SIPA1L2: variants seen among roughly 807,000 people sequenced by gnomAD.
The protein encoded by SIPA1L2 is signal induced proliferation associated 1 like 2, also known as signal-induced proliferation-associated 1-like protein 2.
Under a neutral mutation model 163.9 loss-of-function variants are expected in SIPA1L2, and 56 were observed. The observed-to-expected ratio is 0.34, with a 90% CI of 0.28 to 0.43. SIPA1L2 has a LOEUF of 0.43. Ranked by LOEUF, SIPA1L2 falls within the 20% of genes least tolerant of loss-of-function variation. The pLI, the probability that SIPA1L2 is intolerant of heterozygous loss-of-function variation, is 1.00. For synonymous variants in SIPA1L2, 877 were observed against 865.7 expected (o/e 1.01, Z -0.23); for missense variants, 1,974 against 2,193.5 (o/e 0.90, Z 2.00).
chr1:232,628,589 G>T (rs777235897), intron 1 of SIPA1L2, among the ~76,000 whole-genome samples: 3 of 152,170 alleles, frequency 2.0e-5, no homozygotes, highest in Non-Finnish European at 2.9e-5. Flanking sequence ...TCAACTTTGG[G>T]AATGCCAAAA....
At position 232,520,035 on chromosome 1, in the gene SIPA1L2, A is replaced by T. The variant is rs193295972; in HGVS notation, c.-269-4427T>A. ...AACATGAATATCTTTTCTTCCAGGT[A>T]ATTTCCTAAACCTAGATTCTGACCA... On this transcript the variant is annotated intron_variant, in intron 2 of 22. Coordinates refer to ENST00000674635, the MANE Select transcript of SIPA1L2 (RefSeq NM_020808.5). 2.3e-3 allele frequency among the ~76,000 whole-genome samples: 353 copies of T among 152,338 alleles called. 1 individual carries two copies. The highest frequency in any genetic ancestry group is 4.1e-3 in the Non-Finnish European group (280 of 68,028).
chr1:232,588,033 C>T (rs1660762268), intron 1 of SIPA1L2, among the ~76,000 whole-genome samples: 1 of 152,158 alleles, frequency 6.6e-6, no homozygotes, highest in Admixed American at 6.5e-5. Context: ...ATGTCTTTAT[C>T]AGCAGCAGGA....
At chr1:232,507,494 C>G (rs143280561) in intron 3 of SIPA1L2, among the ~76,000 whole-genome samples, 1 of 152,304 alleles carries the variant, frequency 6.6e-6, no homozygotes, top group African/African-American at 2.4e-5. Flanking sequence ...CTAAATGCAG[C>G]CCACATCCAA....
intron 1 of SIPA1L2, among the ~76,000 whole-genome samples, chr1:232,588,941 T>A (rs1378842627): frequency 6.6e-6 from 1 of 152,252 alleles, no homozygotes; most frequent in Non-Finnish European, 1.5e-5. Flanking sequence ...AAATCCCTTT[T>A]TTATTTCTGA....
In SIPA1L2 at chr1:232,436,770, C is replaced by T. The variant is rs151044729; in HGVS notation, c.4031+2338G>A. On this transcript the variant is annotated intron_variant, in intron 15 of 22. Coordinates refer to ENST00000674635, the MANE Select transcript of SIPA1L2 (RefSeq NM_020808.5). ...GCAAATGCTGTAAATCCCATCCCTC[C>T]TCCTCGCCTCCTGTGCAGCTCGGGG... 8.7e-4 allele frequency among the ~76,000 whole-genome samples: 132 copies of T among 152,318 alleles called. 1 individual carries two copies. The highest frequency in any genetic ancestry group is 3.5e-3 in the South Asian group (17 of 4,822).
At chr1:232,621,795 G>C (rs562100479) in intron 1 of SIPA1L2, among the ~76,000 whole-genome samples, 1 of 151,344 alleles carries the variant, frequency 6.6e-6, no homozygotes, top group Non-Finnish European at 1.5e-5. Flanking sequence ...CCACTGGCAC[G>C]ATCAGCCCAC....
chr1:232,400,647 C>A (rs1660283415), intron 22 of SIPA1L2, among the ~76,000 whole-genome samples: 1 of 152,180 alleles, frequency 6.6e-6, no homozygotes, highest in Non-Finnish European at 1.5e-5. Flanking sequence ...TTCCAACCAT[C>A]ATTACGGGAA....
At chr1:232,576,644 C>T (rs1440503830) in intron 1 of SIPA1L2, among the ~76,000 whole-genome samples, 1 of 152,212 alleles carries the variant, frequency 6.6e-6, no homozygotes, top group Admixed American at 6.5e-5. Context: ...ATGGGGAAGA[C>T]ATGTCAAAAG....
chr1:232,587,852 T>G (rs906748680), intron 1 of SIPA1L2, among the ~76,000 whole-genome samples: 4 of 152,140 alleles, frequency 2.6e-5, no homozygotes, highest in South Asian at 2.1e-4. Context: ...TCTCACAAGA[T>G]CTGATGGTTT....
At chr1:232,491,177 G>T in intron 4 of SIPA1L2, 115 bp from the exon 5 acceptor site, 1 of 880,228 alleles carries the variant, frequency 1.1e-6, no homozygotes, top group Non-Finnish European at 1.7e-6. Context: ...CTTTCTGAGT[G>T]TAGTGAAAGG....
chr1:232,573,540 G>C (rs1366754989), intron 2 of SIPA1L2, among the ~76,000 whole-genome samples: 1 of 152,140 alleles, frequency 6.6e-6, no homozygotes, highest in Admixed American at 6.5e-5. Flanking sequence ...AATGTCCTGG[G>C]GGTGGTTACT....
chr1:232,572,682 C>T (rs1411630786), intron 2 of SIPA1L2, among the ~76,000 whole-genome samples: 13 of 65,622 alleles, frequency 2.0e-4, no homozygotes, highest in Non-Finnish European at 2.3e-4. Flanking sequence ...TATATACACA[C>T]ACATATACAT....
intron 1 of SIPA1L2, among the ~76,000 whole-genome samples, chr1:232,586,927 T>C (rs1660687331): frequency 6.6e-6 from 1 of 152,202 alleles, no homozygotes; most frequent in East Asian, 1.9e-4. Flanking sequence ...GCGTCTATTA[T>C]TTTTGGAGTA....
At chr1:232,485,373 C>T (rs1284657795) in intron 5 of SIPA1L2, among the ~76,000 whole-genome samples, 3 of 152,118 alleles carry the variant, frequency 2.0e-5, no homozygotes, top group African/African-American at 7.2e-5. Context: ...ATACACTACT[C>T]AATACCTAAC....
intron 19 of SIPA1L2, among the ~76,000 whole-genome samples, chr1:232,405,189 C>T (rs1398129345): frequency 1.3e-5 from 2 of 152,252 alleles, no homozygotes; most frequent in Non-Finnish European, 2.9e-5. Flanking sequence ...CTGAAAGCAC[C>T]GTCAGTGCCC....
chr1:232,629,934 G>A lies in SIPA1L2; in HGVS notation c.-384C>T, dbSNP rs972241152. Among the ~76,000 whole-genome samples, 3 of 150,544 alleles carry A rather than the reference G, an allele frequency of 2.0e-5. No homozygotes were observed. The highest frequency in any genetic ancestry group is 7.3e-5 in the African/African-American group (3 of 41,256). ...GCGCCGGGCGGCGCGTACCCGGGCT[G>A]CCGCCTCGCCGCCCGCCGCTGCCCG... On this transcript the variant is annotated 5_prime_UTR_variant, in exon 1 of 23. It introduces an in-frame stop codon into an upstream open reading frame of the 5' UTR. Transcript: ENST00000674635.
chr1:232,579,600 A>T (rs1660265176), intron 1 of SIPA1L2, among the ~76,000 whole-genome samples: 1 of 152,240 alleles, frequency 6.6e-6, no homozygotes, highest in African/African-American at 2.4e-5. Context: ...GTTGAACCAT[A>T]TGAAACCACC....
chr1:232,494,739 A>T (rs1666092872), intron 3 of SIPA1L2, among the ~76,000 whole-genome samples: 1 of 152,230 alleles, frequency 6.6e-6, no homozygotes, highest in Non-Finnish European at 1.5e-5. Context: ...GGGAACAATT[A>T]CCCAAATGCT....
At chr1:232,595,250 T>C (rs189554403) in intron 1 of SIPA1L2, among the ~76,000 whole-genome samples, 268 of 152,226 alleles carry the variant, frequency 1.8e-3, no homozygotes, top group African/African-American at 6.1e-3. Context: ...AAAGAATACT[T>C]ACCCCCAGCT....
Sources: allele counts gnomAD v4.1 joint callset (sites outside exome capture counted in the v4.1 genomes callset), GRCh38; gene constraint gnomAD v4.1.1; transcripts MANE v1.5; gene names NCBI Gene and HGNC (gene_info 2026-07-23, HGNC 2026-07-21).